Variants in C1orf198 observed in about 807,000 individuals in gnomAD.
C1orf198 encodes uncharacterized protein C1orf198.
C1orf198 carries 17 observed loss-of-function variants against 31.4 expected under a neutral mutation model. The observed-to-expected ratio is 0.54, with a 90% CI of 0.37 to 0.81. The LOEUF is 0.81. C1orf198 is among the 40% of genes least tolerant of loss of function. C1orf198 has a pLI of 0.00. For synonymous variants in C1orf198, 175 were observed against 193.8 expected (o/e 0.90, Z 0.81); for missense variants, 401 against 450.3 (o/e 0.89, Z 0.99).
chr1:230,847,244 A>G (rs1669617451), intron 2 of C1orf198, among the ~76,000 whole-genome samples: 1 of 150,500 alleles, frequency 6.6e-6, no homozygotes, highest in Non-Finnish European at 1.5e-5. Context: ...GCGCCACTGC[A>G]CTCCAGCCTG....
intron 1 of C1orf198, among the ~76,000 whole-genome samples, chr1:230,863,474 T>C (rs1310984526): frequency 1.3e-5 from 2 of 152,328 alleles, no homozygotes; most frequent in East Asian, 1.9e-4. Flanking sequence ...TAAAAGTGAC[T>C]CTTATCAATT....
At position 230,857,729 on chromosome 1, in the gene C1orf198, G is replaced by GA. The variant is rs1451785582; in HGVS notation, c.334-2012dup. Among the ~76,000 whole-genome samples the GA allele has an allele frequency of 4.0e-5, 6 of 151,462 alleles. No individual in the cohort carries two copies. The highest frequency in any genetic ancestry group is 1.2e-4 in the African/African-American group (5 of 41,160). ...AAAGGACTAAATATATTTATATCAG[G>GA]AAAAAAAACACCACTAACAAAGATA... On this transcript the variant is annotated intron_variant, in intron 1 of 3. Coordinates refer to ENST00000366663, the MANE Select transcript of C1orf198 (RefSeq NM_032800.3). This position sits in a 1 kb window ranked among gnomAD's most constrained non-coding sequence, Gnocchi z 4.2.
chr1:230,851,262 G>T (rs1669736026), intron 2 of C1orf198, among the ~76,000 whole-genome samples: 1 of 152,132 alleles, frequency 6.6e-6, no homozygotes, highest in African/African-American at 2.4e-5. Context: ...TGAAGGAAGG[G>T]GGTAGCCAGA....
At chr1:230,847,799 G>T (rs923016099) in intron 2 of C1orf198, among the ~76,000 whole-genome samples, 2 of 152,204 alleles carry the variant, frequency 1.3e-5, no homozygotes, top group Non-Finnish European at 2.9e-5. Flanking sequence ...CAACTCAGGG[G>T]ACAAAGTTGA....
chr1:230,862,332 C>T (rs1043334929), intron 1 of C1orf198, among the ~76,000 whole-genome samples: 1 of 152,230 alleles, frequency 6.6e-6, no homozygotes, highest in Non-Finnish European at 1.5e-5. Flanking sequence ...TATTCCTCCA[C>T]AAATAAATAT....
chr1:230,847,338 A>T (rs1669622682), intron 2 of C1orf198, among the ~76,000 whole-genome samples: 1 of 152,134 alleles, frequency 6.6e-6, no homozygotes, highest in African/African-American at 2.4e-5. Flanking sequence ...CTGGTTAAAG[A>T]CAATGTAGAT....
chr1:230,863,954 C>G (rs7552477), intron 1 of C1orf198, among the ~76,000 whole-genome samples: 4 of 151,806 alleles, frequency 2.6e-5, no homozygotes, highest in African/African-American at 7.3e-5. Context: ...TTTCTTTTTC[C>G]TTTTTTTTAT....
intron 2 of C1orf198, among the ~76,000 whole-genome samples, chr1:230,848,704 T>C (rs1007231470): frequency 6.6e-6 from 1 of 152,194 alleles, no homozygotes; most frequent in Admixed American, 6.5e-5. Flanking sequence ...CCCTTGTCCA[T>C]CACCCTGCTG....
At chr1:230,869,328 A>G (rs1670205752), upstream of C1orf198, 1 of 152,264 alleles carries the variant, frequency 6.6e-6, no homozygotes, top group Non-Finnish European at 1.5e-5. Flanking sequence ...AGGAGCAGAA[A>G]GTTTTCAGAC....
At chr1:230,841,927 G>T (rs1319921588) in intron 3 of C1orf198, among the ~76,000 whole-genome samples, 1 of 152,216 alleles carries the variant, frequency 6.6e-6, no homozygotes, top group African/African-American at 2.4e-5. Flanking sequence ...ACAAAATGTG[G>T]TCTAACCACA....
intron 2 of C1orf198, among the ~76,000 whole-genome samples, chr1:230,850,696 G>C (rs1423205036): frequency 6.6e-6 from 1 of 151,658 alleles, no homozygotes; most frequent in Admixed American, 6.6e-5. Flanking sequence ...AGGAGGGAGG[G>C]AGGGGACTGC....
chr1:230,850,974 T>C (rs1669725424), intron 2 of C1orf198, among the ~76,000 whole-genome samples: 1 of 151,982 alleles, frequency 6.6e-6, no homozygotes, highest in Non-Finnish European at 1.5e-5. Context: ...CCTGACCCCC[T>C]GCATCCCGGT....
chr1:230,861,757 G>A (rs960949635), intron 1 of C1orf198, among the ~76,000 whole-genome samples: 4 of 152,188 alleles, frequency 2.6e-5, no homozygotes, highest in African/African-American at 9.7e-5. Flanking sequence ...CAGCATGGGG[G>A]CTCCCTTAGG....
intron 2 of C1orf198, among the ~76,000 whole-genome samples, chr1:230,845,105 G>A (rs1226471083): frequency 2.6e-5 from 4 of 151,604 alleles, no homozygotes; most frequent in Non-Finnish European, 5.9e-5. Context: ...GGTGGCTCAC[G>A]CCTATAATCC....
At chr1:230,853,097 C>G (rs1183036851) in intron 2 of C1orf198, among the ~76,000 whole-genome samples, 1 of 152,190 alleles carries the variant, frequency 6.6e-6, no homozygotes, top group African/African-American at 2.4e-5. Flanking sequence ...GCACCCAGCT[C>G]CCATCAGGCG....
At chr1:230,865,521 A>C (rs551961792) in intron 1 of C1orf198, among the ~76,000 whole-genome samples, 69 of 152,362 alleles carry the variant, frequency 4.5e-4, no homozygotes, top group African/African-American at 1.6e-3. Context: ...GTTGATTTCC[A>C]AGGAAGCAAG....
chr1:230,849,225 T>C (rs1669668966), intron 2 of C1orf198, among the ~76,000 whole-genome samples: 3 of 152,178 alleles, frequency 2.0e-5, no homozygotes, highest in Admixed American at 1.3e-4. Flanking sequence ...AGCTGGGCTC[T>C]TGAGAAAGGA....
At chr1:230,854,625 C>A (rs932551466) in intron 2 of C1orf198, among the ~76,000 whole-genome samples, 5 of 152,212 alleles carry the variant, frequency 3.3e-5, no homozygotes, top group Non-Finnish European at 5.9e-5. Context: ...GAGGCCAGCT[C>A]ACTTCACCCA....
intron 2 of C1orf198, among the ~76,000 whole-genome samples, chr1:230,853,497 G>A (rs1448313023): frequency 1.3e-5 from 2 of 151,996 alleles, no homozygotes; most frequent in African/African-American, 4.8e-5. Context: ...TTTAAAACTC[G>A]GCACTGCCTA....
Sources: gnomAD v4.1 joint callset for allele counts (sites outside exome capture counted in the v4.1 genomes callset) on GRCh38, gnomAD v4.1.1 for gene constraint, Gnocchi (gnomAD v3.1) non-coding constraint, MANE v1.5 for transcripts, NCBI Gene and HGNC (gene_info 2026-07-23, HGNC 2026-07-21) for gene names.